Variants in RAB38 observed in about 807,000 individuals in gnomAD.
The protein encoded by RAB38 is RAB38, member RAS oncogene family.
Under a neutral mutation model 18.4 loss-of-function variants are expected in RAB38, and 15 were observed. The observed-to-expected ratio is 0.82, with a 90% CI of 0.55 to 1.26. RAB38 has a LOEUF of 1.26. Ranked by LOEUF, RAB38 falls within the 50% of genes most tolerant of loss-of-function variation. The pLI, the probability that RAB38 is intolerant of heterozygous loss-of-function variation, is 0.00. For missense variants in RAB38, 294 were observed against 267.4 expected (o/e 1.10, Z -0.69); for synonymous variants, 101 against 104.4 (o/e 0.97, Z 0.20).
intron 1 of RAB38, among the ~76,000 whole-genome samples, chr11:88,159,672 C>T (rs1478157753): frequency 6.6e-6 from 1 of 152,108 alleles, no homozygotes; most frequent in East Asian, 1.9e-4. Context: ...AGAAATAAAG[C>T]TTCACAAGTA....
chr11:87,892,886 A>G, the RAB38 span, among the ~76,000 whole-genome samples: 1 of 151,768 alleles, frequency 6.6e-6, no homozygotes, highest in Non-Finnish European at 1.5e-5. Flanking sequence ...GACTTTATTC[A>G]TTATTAAAAT....
the RAB38 span, among the ~76,000 whole-genome samples, chr11:88,037,200 G>A: frequency 6.6e-6 from 1 of 151,908 alleles, no homozygotes; most frequent in Non-Finnish European, 1.5e-5. Context: ...ATGATAAATA[G>A]TATTTTTGCA....
chr11:88,103,969 C>T, the RAB38 span, among the ~76,000 whole-genome samples: 4 of 152,094 alleles, frequency 2.6e-5, no homozygotes, highest in East Asian at 1.9e-4. Flanking sequence ...GAAGACCTAG[C>T]GGTCCACAAC....
At chr11:88,158,182 G>A (rs1454473187) in intron 1 of RAB38, among the ~76,000 whole-genome samples, 1 of 152,066 alleles carries the variant, frequency 6.6e-6, no homozygotes, top group Admixed American at 6.5e-5. Context: ...AAATTTAGAG[G>A]AAATGAATAA....
the RAB38 span, among the ~76,000 whole-genome samples, chr11:87,900,678 A>T: frequency 4.3e-4 from 62 of 144,476 alleles, no homozygotes; most frequent in South Asian, 4.4e-3. Context: ...GAAGGAAGGA[A>T]GGAAGGAAGG....
chr11:88,129,257 T>C (rs1398784227), intron 2 of RAB38, among the ~76,000 whole-genome samples: 1 of 152,062 alleles, frequency 6.6e-6, no homozygotes, highest in Non-Finnish European at 1.5e-5. Context: ...CATAAATGAC[T>C]TGAAGAAAGG....
chr11:88,050,103 A>C, the RAB38 span: 1 of 152,208 alleles, frequency 6.6e-6, no homozygotes, highest in Admixed American at 6.5e-5. Flanking sequence ...TCATATGTTT[A>C]AGGTACTGGT....
At chr11:87,837,236 TC>T in the RAB38 span, among the ~76,000 whole-genome samples, 92 of 152,298 alleles carry the variant, frequency 6.0e-4, no homozygotes, top group Non-Finnish European at 1.2e-3. Flanking sequence ...CTTACATAGC[TC>T]CCTACATTTT....
At chr11:87,886,789 G>A in the RAB38 span, among the ~76,000 whole-genome samples, 42 of 151,486 alleles carry the variant, frequency 2.8e-4, no homozygotes, top group African/African-American at 8.5e-4. Flanking sequence ...TGATCGAGCC[G>A]GGTTTCATGA....
chr11:88,142,332 T>TA (rs1447813976), intron 2 of RAB38, among the ~76,000 whole-genome samples: 4 of 152,178 alleles, frequency 2.6e-5, no homozygotes, highest in African/African-American at 9.7e-5. Context: ...TTGTAGGAAT[T>TA]AGTGATAATA....
the RAB38 span, among the ~76,000 whole-genome samples, chr11:87,850,030 C>A: frequency 1.3e-5 from 2 of 151,958 alleles, no homozygotes; most frequent in African/African-American, 4.8e-5. Context: ...AAAGTTATAC[C>A]TTATGGGGCA....
chr11:87,949,059 C>A, the RAB38 span, among the ~76,000 whole-genome samples: 2 of 152,248 alleles, frequency 1.3e-5, no homozygotes, highest in South Asian at 4.1e-4. Context: ...TATTACCTCA[C>A]TTTCAGAGCC....
At chr11:87,938,684 A>AC in the RAB38 span, among the ~76,000 whole-genome samples, 5 of 145,482 alleles carry the variant, frequency 3.4e-5, no homozygotes, top group South Asian at 2.2e-4. Context: ...AAAAAAAAAA[A>AC]CCACAAAATT....
At chr11:88,107,032 A>G in the RAB38 span, among the ~76,000 whole-genome samples, 1 of 152,136 alleles carries the variant, frequency 6.6e-6, no homozygotes, top group Admixed American at 6.6e-5. Context: ...AAACACCAGG[A>G]CTACACACCA....
the RAB38 span, among the ~76,000 whole-genome samples, chr11:87,940,131 CAGGAA>C: frequency 4.5e-5 from 6 of 134,610 alleles, no homozygotes; most frequent in African/African-American, 1.6e-4. Context: ...AAAAATGTAA[CAGGAA>C]AGAAAGATTG....
At chr11:88,034,405 T>C in the RAB38 span, among the ~76,000 whole-genome samples, 6 of 152,240 alleles carry the variant, frequency 3.9e-5, no homozygotes, top group Non-Finnish European at 5.9e-5. Context: ...TGGTTGTATG[T>C]TTTATTTTAT....
chr11:88,115,175 A>G (rs1942532042), intron 2 of RAB38, among the ~76,000 whole-genome samples: 1 of 152,222 alleles, frequency 6.6e-6, no homozygotes, highest in Admixed American at 6.5e-5. Context: ...AAAAGTAGTT[A>G]AAGATCTGCA....
At chr11:87,944,606 C>T in the RAB38 span, among the ~76,000 whole-genome samples, 1 of 152,140 alleles carries the variant, frequency 6.6e-6, no homozygotes, top group Non-Finnish European at 1.5e-5. Context: ...CCAGACCACT[C>T]TTGGGCCTTA....
the RAB38 span, among the ~76,000 whole-genome samples, chr11:88,049,284 G>A: frequency 6.6e-6 from 1 of 152,028 alleles, no homozygotes; most frequent in Non-Finnish European, 1.5e-5. Flanking sequence ...ACATCCAGAT[G>A]GCCAGTTCCT....
Sources: gnomAD v4.1 joint callset for allele counts (sites outside exome capture counted in the v4.1 genomes callset) on GRCh38, gnomAD v4.1.1 for gene constraint, MANE v1.5 for transcripts, NCBI Gene and HGNC (gene_info 2026-07-23, HGNC 2026-07-21) for gene names.